SPON1: variants seen among roughly 807,000 people sequenced by gnomAD.
SPON1 encodes the protein spondin 1.
In SPON1, 52 loss-of-function variants were observed where a neutral mutation model predicts 111.7. That is an observed-to-expected ratio of 0.47 (90% CI 0.37 to 0.59). The LOEUF (loss-of-function observed/expected upper bound fraction) is 0.59. Ranked by LOEUF, SPON1 falls within the 20% of genes least tolerant of loss-of-function variation. The pLI, the probability that SPON1 is intolerant of heterozygous loss-of-function variation, is 0.00. For synonymous variants in SPON1, 410 were observed against 395.8 expected, an observed-to-expected ratio of 1.04 and a Z score of -0.43; for missense variants, 957 against 1,068.5, an observed-to-expected ratio of 0.90 and a Z score of 1.46.
chr11:14,034,232 A>T (rs1440568416), intron 2 of SPON1, among the ~76,000 whole-genome samples: 2 of 152,216 alleles, frequency 1.3e-5, no homozygotes, highest in Admixed American at 1.3e-4. Context: ...ATACAAAGGA[A>T]ATAAAAATCA....
At chr11:14,122,600 A>G (rs377316194) in intron 5 of SPON1, among the ~76,000 whole-genome samples, 4 of 151,000 alleles carry the variant, frequency 2.6e-5, no homozygotes, top group African/African-American at 9.8e-5. Context: ...TTTTCAGCCC[A>G]TTTTTCTCTG....
intron 6 of SPON1, among the ~76,000 whole-genome samples, chr11:14,143,237 G>A (rs1309194011): frequency 1.3e-5 from 2 of 152,210 alleles, no homozygotes; most frequent in Non-Finnish European, 2.9e-5. Context: ...ATTATATCCA[G>A]TGGCTGTGGG....
At chr11:13,978,831 G>C (rs1319479251) in intron 1 of SPON1, among the ~76,000 whole-genome samples, 4 of 152,162 alleles carry the variant, frequency 2.6e-5, no homozygotes, top group Non-Finnish European at 5.9e-5. Context: ...AACTTCTAGA[G>C]AGTGAATCCA....
chr11:14,163,090 T>C (rs1350783272), intron 6 of SPON1, among the ~76,000 whole-genome samples: 1 of 152,226 alleles, frequency 6.6e-6, no homozygotes, highest in African/African-American at 2.4e-5. Context: ...TGATTGGAGA[T>C]AGCTTCTTCC....
intron 7 of SPON1, among the ~76,000 whole-genome samples, chr11:14,253,650 T>A (rs1316722586): frequency 1.3e-5 from 2 of 152,210 alleles, no homozygotes; most frequent in Non-Finnish European, 2.9e-5. Flanking sequence ...GAACAGTTGG[T>A]CTCTGGCCAA....
At chr11:14,068,112 G>GA (rs1554920536) in intron 3 of SPON1, among the ~76,000 whole-genome samples, 1 of 152,074 alleles carries the variant, frequency 6.6e-6, no homozygotes, top group African/African-American at 2.4e-5. Context: ...TCTCTTATAT[G>GA]AAAATCAATT....
At chr11:14,084,183 G>T (rs1240139806) in intron 5 of SPON1, among the ~76,000 whole-genome samples, 5 of 151,682 alleles carry the variant, frequency 3.3e-5, no homozygotes, top group African/African-American at 1.2e-4. Flanking sequence ...GAATGTGCAG[G>T]TTTGTTACGT....
At chr11:14,036,661 T>G (rs1465095389) in intron 2 of SPON1, among the ~76,000 whole-genome samples, 1 of 152,144 alleles carries the variant, frequency 6.6e-6, no homozygotes, top group Non-Finnish European at 1.5e-5. Context: ...ACAGAGGTAG[T>G]AATTAAAGCC....
intron 5 of SPON1, among the ~76,000 whole-genome samples, chr11:14,085,547 G>T (rs1848999600): frequency 6.6e-6 from 1 of 152,132 alleles, no homozygotes; most frequent in Non-Finnish European, 1.5e-5. Context: ...TTTGGTTACT[G>T]TAGGCTTGTA....
chr11:14,181,755 A>G (rs1474573027), intron 6 of SPON1, among the ~76,000 whole-genome samples: 1 of 152,166 alleles, frequency 6.6e-6, no homozygotes, highest in Non-Finnish European at 1.5e-5. Context: ...TGTTCAGTAC[A>G]TTTTAGCTCT....
At chr11:14,056,557 G>A (rs542866815) in intron 3 of SPON1, among the ~76,000 whole-genome samples, 24 of 152,148 alleles carry the variant, frequency 1.6e-4, no homozygotes, top group Middle Eastern at 3.4e-3. Context: ...CAAAGTGGTC[G>A]TGTTAAATTA....
At position 14,082,578 on chromosome 11, in the gene SPON1, C is replaced by T. The variant is rs76077386; in HGVS notation, c.676+2557C>T. On this transcript the variant is annotated intron_variant, in intron 5 of 15. Coordinates refer to ENST00000576479, the MANE Select transcript of SPON1 (RefSeq NM_006108.4). ...GTCACACTCATTATGACCTGGGAGG[C>T]AGATGTCTAGCCTTCAGCTAATTAT... Among the ~76,000 whole-genome samples the T allele has an allele frequency of 1.6e-3, 240 of 152,210 alleles. 4 individuals are homozygous for T. The East Asian group carries it at 0.024, about 15-fold the overall frequency.
At chr11:14,250,387 GTATAT>G (rs1849040346) in intron 7 of SPON1, among the ~76,000 whole-genome samples, 1 of 148,954 alleles carries the variant, frequency 6.7e-6, no homozygotes, top group African/African-American at 2.5e-5. Flanking sequence ...TTCTTGTGTG[GTATAT>G]TAAATGTGAA....
At chr11:14,132,928 T>C (rs1554927674) in intron 5 of SPON1, among the ~76,000 whole-genome samples, 1 of 152,204 alleles carries the variant, frequency 6.6e-6, no homozygotes, top group Non-Finnish European at 1.5e-5. Flanking sequence ...CATAATAGGT[T>C]GATAAGGTAG....
intron 6 of SPON1, among the ~76,000 whole-genome samples, chr11:14,163,684 A>G (rs951459150): frequency 1.3e-5 from 2 of 152,188 alleles, no homozygotes; most frequent in African/African-American, 4.8e-5. Flanking sequence ...AGAAATACAC[A>G]TGCAGAAAAA....
At position 14,031,303 on chromosome 11, in the gene SPON1, A is replaced by G. The variant is rs372048506; in HGVS notation, c.346-10218A>G. ...ATTCGTAACAAACCTGTACATGTAC[A>G]CCCTGAAGTTGAAATTATATATTTT... On this transcript the variant is annotated intron_variant, in intron 2 of 15. Coordinates refer to ENST00000576479, the MANE Select transcript of SPON1 (RefSeq NM_006108.4). Among the ~76,000 whole-genome samples the G allele has an allele frequency of 2.0e-5, 3 of 152,332 alleles. No homozygotes were observed. In the East Asian group the frequency reaches 5.8e-4, roughly 29 times the overall value.
chr11:14,160,951 A>ATG (rs1847937261), intron 6 of SPON1, among the ~76,000 whole-genome samples: 12 of 30,696 alleles, frequency 3.9e-4, no homozygotes, highest in East Asian at 1.7e-3. Flanking sequence ...ATATTTATAT[A>ATG]TTTATATATA....
chr11:14,259,446 G>A lies in SPON1; in HGVS notation c.1659G>A (p.Glu553=). ...EETEKCTVNE[E]CSPSSCLMTE... ...CGGAGAAGTGCACGGTCAACGAGGA[G>A]TGCTGTGAGTGGGGGCCCCGGGCGG... The change falls in exon 12 of 16, where the codon GAG becomes GAA. Residue 553 remains glutamate (E), a synonymous_variant. Coordinates refer to ENST00000576479, the MANE Select transcript of SPON1 (RefSeq NM_006108.4). The surrounding 1 kb of genome is among the most constrained non-coding windows in gnomAD (Gnocchi z 5.0). 1 of 1,607,354 alleles carries A rather than the reference G, an allele frequency of 6.2e-7. No individual in the cohort carries two copies. Among genetic ancestry groups the A allele is most frequent in the East Asian group, 2.2e-5 (1 of 44,626 alleles).
At chr11:14,038,458 G>A (rs1260686127) in intron 2 of SPON1, among the ~76,000 whole-genome samples, 5 of 152,052 alleles carry the variant, frequency 3.3e-5, no homozygotes, top group African/African-American at 1.2e-4. Flanking sequence ...AATAGAATGA[G>A]ACTCCATCTC....
Sources: gnomAD v4.1 joint callset for allele counts (sites outside exome capture counted in the v4.1 genomes callset) on GRCh38, gnomAD v4.1.1 for gene constraint, Gnocchi (gnomAD v3.1) non-coding constraint, MANE v1.5 for transcripts, NCBI Gene and HGNC (gene_info 2026-07-23, HGNC 2026-07-21) for gene names.